DOP1B: variants seen among roughly 807,000 people sequenced by gnomAD.
The protein encoded by DOP1B is DOP1 leucine zipper like protein B, also known as protein DOP1B.
Under a neutral mutation model 233.5 loss-of-function variants are expected in DOP1B, and 174 were observed. The observed-to-expected ratio is 0.75, with a 90% confidence interval of 0.66 to 0.85. The LOEUF is 0.85. DOP1B is among the 40% of genes least tolerant of loss of function. DOP1B has a pLI of 0.00. For synonymous variants in DOP1B, 1,190 were observed against 1,185.6 expected (o/e 1.00, Z -0.08); for missense variants, 2,652 against 2,846.6 (o/e 0.93, Z 1.56).
chr21:36,291,876 G>A (rs561378897), intron 35 of DOP1B, among the ~76,000 whole-genome samples: 4 of 152,274 alleles, frequency 2.6e-5, no homozygotes, highest in South Asian at 4.1e-4. Context: ...CAAGGGTATA[G>A]GGGGTTGGGG....
chr21:36,182,186 T>G (rs2066107252), intron 2 of DOP1B, among the ~76,000 whole-genome samples: 1 of 152,162 alleles, frequency 6.6e-6, no homozygotes, highest in South Asian at 2.1e-4. Flanking sequence ...TTGGAGCACC[T>G]GGGGTCATGT....
At position 36,219,410 on chromosome 21, in the gene DOP1B, A is replaced by C; in HGVS notation, c.1168A>C (p.Arg390=). 1 of 1,614,182 alleles carries C rather than the reference A, an allele frequency of 6.2e-7. No individual in the cohort carries two copies. The highest frequency in any genetic ancestry group is 8.5e-7 in the Non-Finnish European group (1 of 1,180,032). ...VVGNLFLEVI[R]AFYSYCRDAL... ...TGGGAATTTGTTTCTCGAAGTCATC[A>C]GGGCCTTTTATTCTTACTGCAGAGA... The change falls in exon 10 of 37, where the codon AGG becomes CGG. Residue 390 remains arginine (R), a synonymous_variant. Transcript: ENST00000691173.
chr21:36,219,444 G>T lies in DOP1B; in HGVS notation c.1202G>T (p.Gly401Val). The change falls in exon 10 of 37, where the codon GGC becomes GTC. Residue 401 changes from glycine to valine, a missense_variant. This residue lies in a region of DOP1B where 2,617 missense variants were observed against 2,794.3 expected (regional missense o/e 0.94). Transcript: ENST00000691173. Reference sequence around the variant, plus strand: ...TATTCTTACTGCAGAGATGCCCTTGGCTCTGATCTTAAACTTAGCTACACC... The same window carrying T: ...TATTCTTACTGCAGAGATGCCCTTGTCTCTGATCTTAAACTTAGCTACACC... ...AFYSYCRDAL[G>V]SDLKLSYTQS... is the part of the protein sequence containing the mutation. 6.2e-7 allele frequency: 1 copy of T among 1,614,082 alleles called. No individual in the cohort carries two copies. The highest frequency in any genetic ancestry group is 8.5e-7 in the Non-Finnish European group (1 of 1,180,026).
At chr21:36,261,931 GT>G (rs1311199210) in intron 24 of DOP1B, 1 of 981,576 alleles carries the variant, frequency 1.0e-6, no homozygotes, top group Non-Finnish European at 1.2e-6. Context: ...AAAAATGGGG[GT>G]GGGAAGGGTA....
Position 36,227,721 on chromosome 21 carries a change from T to G in DOP1B, c.1509T>G (p.Pro503=), listed in dbSNP as rs562748039. 3 of 1,599,936 alleles carry G rather than the reference T, an allele frequency of 1.9e-6. No individual in the cohort carries two copies. In the Admixed American group the frequency reaches 5.1e-5, roughly 27 times the overall value. ...CTGAGGTGCAAACCCAGTATCTCCC[T>G]CAGGTGCTCGGCTGCCTGGTGCAGC... ...LYSEVQTQYL[P]QVLGCLVQPL... is the part of the protein sequence containing the mutation. The change falls in exon 13 of 37, where the codon CCT becomes CCG. Residue 503 remains proline, a synonymous_variant. Transcript: ENST00000691173.
chr21:36,231,006 G>A lies in DOP1B; in HGVS notation c.2222G>A (p.Gly741Asp). Residue 741 changes from glycine (G) to aspartate (D), a missense_variant, in exon 14 of 37, where the codon GGT becomes GAT. Physicochemically the swap from Gly to Asp is moderately conservative, Grantham distance 94. Around this residue, in one of 3 missense-constraint regions of DOP1B, gnomAD observed 2,617 missense variants for 2,794.3 expected, o/e 0.94. Transcript: ENST00000691173. ...DVEKVVIDLG[G>D]SREERREAFA... ...GAGAAGGTGGTCATTGACCTGGGGG[G>A]TTCCAGGGAGGAACGCAGGGAGGCC... 1 of 1,614,174 alleles carries A rather than the reference G, an allele frequency of 6.2e-7. No homozygotes were observed. The highest frequency in any genetic ancestry group is 8.5e-7 in the Non-Finnish European group (1 of 1,180,028).
chr21:36,233,140 T>C, intron 15 of DOP1B, 65 bp downstream of exon 15: 5 of 1,549,154 alleles, frequency 3.2e-6, no homozygotes, highest in Middle Eastern at 1.7e-4. Context: ...CTCAGAACCG[T>C]ATTGCTGGGG....
intron 16 of DOP1B, 111 bp from the exon 17 acceptor site, chr21:36,238,490 G>C: frequency 1.2e-6 from 1 of 861,420 alleles, no homozygotes; most frequent in South Asian, 1.5e-5. Context: ...TGTGGTTGCT[G>C]TCAGTTCTGC....
intron 2 of DOP1B, among the ~76,000 whole-genome samples, chr21:36,165,604 G>T (rs574447193): frequency 1.3e-5 from 2 of 152,124 alleles, no homozygotes; most frequent in Non-Finnish European, 2.9e-5. Flanking sequence ...GAGCATTACT[G>T]CTTGGGCTCT....
intron 12 of DOP1B, among the ~76,000 whole-genome samples, chr21:36,225,928 G>A (rs1048364134): frequency 1.3e-5 from 2 of 152,172 alleles, no homozygotes; most frequent in African/African-American, 4.8e-5. Flanking sequence ...GAAGAACTGG[G>A]TATCATTCCC....
At chr21:36,234,663 C>T (rs1345811851) in intron 15 of DOP1B, among the ~76,000 whole-genome samples, 2 of 152,018 alleles carry the variant, frequency 1.3e-5, no homozygotes. Context: ...GCCTCAGCTT[C>T]CCTGGTAGCT....
chr21:36,241,361 T>C lies in DOP1B; in HGVS notation c.3067+1406T>C, dbSNP rs141576115. 4.6e-5 allele frequency among the ~76,000 whole-genome samples: 7 copies of C among 152,072 alleles called. No individual in the cohort carries two copies. In the East Asian group the frequency reaches 9.7e-4, roughly 21 times the overall value. ...AGCAAGCTCACTTCAAAGACAGTTA[T>C]AAGCTAACGCTGTTCGAGAAGTTGA... On this transcript the variant is annotated intron_variant, in intron 18 of 36. Coordinates refer to ENST00000691173, the MANE Select transcript of DOP1B (RefSeq NM_001320714.2).
At chr21:36,284,703 G>T (rs531554012) in intron 32 of DOP1B, among the ~76,000 whole-genome samples, 1 of 152,146 alleles carries the variant, frequency 6.6e-6, no homozygotes, top group East Asian at 1.9e-4. Flanking sequence ...TGAAACAGGG[G>T]TGTGGAGAAT....
chr21:36,189,418 T>A (rs1391236040), intron 2 of DOP1B, among the ~76,000 whole-genome samples: 1 of 152,244 alleles, frequency 6.6e-6, no homozygotes, highest in East Asian at 1.9e-4. Flanking sequence ...TTCTCCTTTT[T>A]AAATTTTTTT....
chr21:36,176,097 C>CGTGTGTGTGTGTGTGTGTGTGT (rs1555886143), intron 2 of DOP1B, among the ~76,000 whole-genome samples: 10,811 of 141,654 alleles, frequency 0.076, 555 homozygotes, highest in Non-Finnish European at 0.11. Context: ...GGTGTGTGTG[C>CGTGTGTGTGTGTGTGTGTGTGT]GTGTGTGTGT....
intron 1 of DOP1B, among the ~76,000 whole-genome samples, chr21:36,161,736 A>G (rs1307132896): frequency 6.6e-6 from 1 of 152,196 alleles, no homozygotes; most frequent in Admixed American, 6.5e-5. Flanking sequence ...TTACCTGAGA[A>G]AGATCGCCGT....
intron 27 of DOP1B, among the ~76,000 whole-genome samples, chr21:36,272,965 CA>C (rs1309573515): frequency 2.2e-5 from 2 of 89,106 alleles, no homozygotes; most frequent in African/African-American, 9.3e-5. Flanking sequence ...GCCTGGGCAA[CA>C]AGAGCAAAAC....
intron 2 of DOP1B, chr21:36,169,417 C>T: frequency 2.1e-6 from 2 of 961,124 alleles, no homozygotes; most frequent in Non-Finnish European, 3.4e-6. Flanking sequence ...GATGCCATGC[C>T]CCAATCCAGG....
intron 24 of DOP1B, chr21:36,261,331 C>G: frequency 1.0e-5 from 10 of 979,386 alleles, no homozygotes; most frequent in Non-Finnish European, 1.1e-5. Flanking sequence ...CACCACTGCT[C>G]TCCAGCCTGG....
Sources: gnomAD v4.1 joint callset for allele counts (sites outside exome capture counted in the v4.1 genomes callset) on GRCh38, gnomAD v4.1.1 for gene constraint, gnomAD v4.1.1 regional missense constraint, MANE v1.5 for transcripts, NCBI Gene and HGNC (gene_info 2026-07-23, HGNC 2026-07-21) for gene names.